Variants in CNOT8 observed in about 807,000 individuals in gnomAD.
CNOT8 encodes CAF1-like protein.
A neutral mutation model predicts 34.6 loss-of-function variants in CNOT8; 18 were observed. That is an observed-to-expected ratio of 0.52 (90% CI 0.36 to 0.77). The LOEUF is 0.77. CNOT8 is among the 30% of genes least tolerant of loss of function. The pLI, the probability that CNOT8 is intolerant of heterozygous loss-of-function variation, is 0.00. For synonymous variants in CNOT8, 101 were observed against 118.8 expected (o/e 0.85, Z 0.98); for missense variants, 189 against 347.9 (o/e 0.54, Z 3.63).
chr5:154,858,524 A>C (rs998050634), upstream of CNOT8: 2 of 152,180 alleles, frequency 1.3e-5, no homozygotes, highest in Admixed American at 1.3e-4. Flanking sequence ...TCTAGAGAGC[A>C]GGCGAGTCGG....
At chr5:154,862,950 C>T (rs1761489209) in intron 1 of CNOT8, among the ~76,000 whole-genome samples, 1 of 152,162 alleles carries the variant, frequency 6.6e-6, no homozygotes, top group Non-Finnish European at 1.5e-5. Context: ...GTAGTGGTTT[C>T]ACTTCTGTGG....
chr5:154,871,407 A>C (rs1325509300), intron 4 of CNOT8, among the ~76,000 whole-genome samples: 1 of 152,066 alleles, frequency 6.6e-6, no homozygotes, highest in Non-Finnish European at 1.5e-5. Flanking sequence ...AAAAATACAA[A>C]AATTAGCCAG....
At chr5:154,860,080 T>G (rs1339003839) in intron 1 of CNOT8, among the ~76,000 whole-genome samples, 1 of 152,234 alleles carries the variant, frequency 6.6e-6, no homozygotes, top group East Asian at 1.9e-4. Context: ...TTGAAACTTG[T>G]TACTGTTGCT....
intron 3 of CNOT8, among the ~76,000 whole-genome samples, chr5:154,867,955 G>C (rs1762057482): frequency 1.3e-5 from 2 of 150,080 alleles, no homozygotes; most frequent in South Asian, 4.2e-4. Flanking sequence ...CTTTTTTTTT[G>C]AAACAGAGTC....
At chr5:154,866,630 C>T (rs1200391308) in intron 3 of CNOT8, among the ~76,000 whole-genome samples, 4 of 152,088 alleles carry the variant, frequency 2.6e-5, no homozygotes, top group East Asian at 3.8e-4. Context: ...TGCAGCCGGG[C>T]GTGGTGGCTC....
At chr5:154,859,045 C>G (rs1175083826) in intron 1 of CNOT8, 1 of 152,174 alleles carries the variant, frequency 6.6e-6, no homozygotes, top group Non-Finnish European at 1.5e-5. Context: ...ACCCATTTTA[C>G]AAGATAGGAA....
chr5:154,862,430 A>G (rs992085881), intron 1 of CNOT8, among the ~76,000 whole-genome samples: 3 of 151,954 alleles, frequency 2.0e-5, no homozygotes, highest in African/African-American at 7.3e-5. Flanking sequence ...AGAGTGCACC[A>G]CTGCACTCTA....
intron 3 of CNOT8, among the ~76,000 whole-genome samples, chr5:154,868,799 AC>A (rs1470514431): frequency 2.0e-5 from 3 of 152,186 alleles, no homozygotes; most frequent in African/African-American, 7.2e-5. Flanking sequence ...TTCCTACGCC[AC>A]TTGAGTGCTG....
At chr5:154,874,306 G>T (rs938623676) in intron 6 of CNOT8, among the ~76,000 whole-genome samples, 1 of 152,060 alleles carries the variant, frequency 6.6e-6, no homozygotes, top group Non-Finnish European at 1.5e-5. Context: ...GCCGGGTGCG[G>T]TGGCTCACAC....
At chr5:154,873,861 T>C (rs534619726) in intron 6 of CNOT8, among the ~76,000 whole-genome samples, 3 of 152,306 alleles carry the variant, frequency 2.0e-5, no homozygotes, top group Admixed American at 6.5e-5. Flanking sequence ...ATGATTTTGG[T>C]TGTCACAATC....
chr5:154,860,296 TGATG>T (rs1347024829), intron 1 of CNOT8, among the ~76,000 whole-genome samples: 2 of 148,582 alleles, frequency 1.3e-5, no homozygotes, highest in African/African-American at 5.2e-5. Flanking sequence ...GCTGGTATGA[TGATG>T]ATGATGATGA....
At chr5:154,865,870 C>T (rs1761815693) in intron 3 of CNOT8, among the ~76,000 whole-genome samples, 1 of 152,138 alleles carries the variant, frequency 6.6e-6, no homozygotes, top group South Asian at 2.1e-4. Flanking sequence ...CACTCCTAGG[C>T]AGTGGAAAAT....
intron 6 of CNOT8, among the ~76,000 whole-genome samples, chr5:154,874,222 T>A (rs1762735735): frequency 6.6e-6 from 1 of 151,754 alleles, no homozygotes; most frequent in Non-Finnish European, 1.5e-5. Context: ...ACATGGAAAG[T>A]ATGTTCAGAT....
In CNOT8 at chr5:154,870,824, T is replaced by G; in HGVS notation, c.473+2T>G. The G allele has an allele frequency of 6.2e-7, 1 of 1,612,146 alleles. No individual in the cohort carries two copies. The highest frequency in any genetic ancestry group is 8.5e-7 in the Non-Finnish European group (1 of 1,178,714). On this transcript the variant is annotated splice_donor_variant, in intron 4 of 6. Coordinates refer to ENST00000285896, the MANE Select transcript of CNOT8 (RefSeq NM_001301073.2). LOFTEE classifies it high-confidence loss of function. Reference sequence around the variant, plus strand: ...TGTCAAATGGCTTTCATTTCATAGGTCAGTCCTAGGGAATGTGTATTTCTC... The same window carrying G: ...TGTCAAATGGCTTTCATTTCATAGGGCAGTCCTAGGGAATGTGTATTTCTC...
chr5:154,875,584 G>C lies in CNOT8; in HGVS notation c.*145G>C, dbSNP rs1762868862. On this transcript the variant is annotated 3_prime_UTR_variant, in exon 7 of 7. Transcript: ENST00000285896. ...TGAGCAGAAAGACTTTTGTTTTACT[G>C]AAGACAAAAGATGTTTTTATTTTAG... 2.4e-6 allele frequency: 2 copies of C among 834,480 alleles called. No homozygotes were observed. The highest frequency in any genetic ancestry group is 3.9e-5 in the South Asian group (2 of 50,924). 51.7% of individuals were successfully genotyped at this position (834,480 alleles called of 1,614,324 possible). A position where few individuals can be genotyped will look rare whatever the true frequency, so the allele number is the denominator to read the frequency against.
chr5:154,863,657 G>T (rs73278808), intron 2 of CNOT8, among the ~76,000 whole-genome samples: 3,590 of 152,116 alleles, frequency 0.024, 136 homozygotes, highest in African/African-American at 0.083. Flanking sequence ...GAAAAGAATG[G>T]GTATGTTCCA....
chr5:154,873,561 T>G (rs1762677467), intron 6 of CNOT8, among the ~76,000 whole-genome samples: 1 of 152,236 alleles, frequency 6.6e-6, no homozygotes, highest in Non-Finnish European at 1.5e-5. Flanking sequence ...GTTTCTTTAC[T>G]CACTGACTCA....
Position 154,873,784 on chromosome 5 carries a change from T to G in CNOT8, c.729+1133T>G, listed in dbSNP as rs149553489. On this transcript the variant is annotated intron_variant, in intron 6 of 6. Transcript: ENST00000285896. ...AACTGTTACCATGTGTTGGTAAATG[T>G]TCTAGGTCAGTGATTCTCAACTGGG... Among the ~76,000 whole-genome samples, 44 of 152,296 alleles carry G rather than the reference T, an allele frequency of 2.9e-4. No homozygotes were observed. The East Asian group carries it at 8.1e-3, about 28-fold the overall frequency.
chr5:154,871,961 A>G, intron 5 of CNOT8, 87 bp downstream of exon 5: 1 of 1,135,372 alleles, frequency 8.8e-7, no homozygotes, highest in South Asian at 1.5e-5. Flanking sequence ...TTCAGCATGC[A>G]TTTTTGAGTA....
Sources: allele counts gnomAD v4.1 joint callset (sites outside exome capture counted in the v4.1 genomes callset), GRCh38; gene constraint gnomAD v4.1.1; transcripts MANE v1.5; gene names NCBI Gene and HGNC (gene_info 2026-07-23, HGNC 2026-07-21).